PTPRT: variants seen among roughly 807,000 people sequenced by gnomAD.
The protein encoded by PTPRT is receptor-type tyrosine-protein phosphatase T.
PTPRT carries 56 observed loss-of-function variants against 176.8 expected under a neutral mutation model. The ratio of observed to expected loss-of-function variants is 0.32; its 90% CI spans 0.26 to 0.40. The LOEUF (loss-of-function observed/expected upper bound fraction) is 0.40. Among genes scored for constraint, PTPRT ranks in the 10% least tolerant of loss-of-function variants. The pLI, the probability that PTPRT is intolerant of heterozygous loss-of-function variation, is 1.00. For missense variants in PTPRT, 1,540 were observed against 1,908.2 expected (o/e 0.81, Z 3.60); for synonymous variants, 783 against 739.0 (o/e 1.06, Z -0.96).
chr20:42,562,630 C>T (rs907362794), intron 7 of PTPRT, among the ~76,000 whole-genome samples: 2 of 152,166 alleles, frequency 1.3e-5, no homozygotes, highest in African/African-American at 4.8e-5. Context: ...TGGTCCAGTA[C>T]CAGGGATTTA....
chr20:42,782,485 T>C (rs1035202687), intron 3 of PTPRT, among the ~76,000 whole-genome samples: 10 of 152,214 alleles, frequency 6.6e-5, no homozygotes, highest in Admixed American at 6.5e-4. Flanking sequence ...CAATAGTCTA[T>C]TCTTTCTGAA....
chr20:42,313,727 C>G (rs1409670910), intron 12 of PTPRT, among the ~76,000 whole-genome samples: 1 of 152,034 alleles, frequency 6.6e-6, no homozygotes, highest in East Asian at 1.9e-4. Context: ...AAGATGAGTC[C>G]CAGATGCTTC....
At chr20:42,099,219 C>CTTT (rs10690128) in intron 26 of PTPRT, among the ~76,000 whole-genome samples, 1 of 151,320 alleles carries the variant, frequency 6.6e-6, no homozygotes, top group African/African-American at 2.4e-5. Flanking sequence ...TTGTAGAGTG[C>CTTT]TTTTTTTTTG....
At chr20:42,360,199 T>C (rs1256802743) in intron 9 of PTPRT, among the ~76,000 whole-genome samples, 3 of 152,218 alleles carry the variant, frequency 2.0e-5, no homozygotes, top group Non-Finnish European at 1.5e-5. Flanking sequence ...GTCACCATCC[T>C]GCTCCTTAGC....
At chr20:42,539,462 C>G (rs2072538917) in intron 7 of PTPRT, among the ~76,000 whole-genome samples, 1 of 149,342 alleles carries the variant, frequency 6.7e-6, no homozygotes, top group Non-Finnish European at 1.5e-5. Flanking sequence ...AATAAATGAT[C>G]AATTTATCAA....
At chr20:42,253,868 C>T (rs559278868) in intron 13 of PTPRT, among the ~76,000 whole-genome samples, 3 of 152,306 alleles carry the variant, frequency 2.0e-5, no homozygotes, top group Middle Eastern at 3.4e-3. Flanking sequence ...AAAGCAGCTG[C>T]TGCTGCATCC....
chr20:42,378,051 A>C (rs2058667176), intron 9 of PTPRT, among the ~76,000 whole-genome samples: 1 of 152,250 alleles, frequency 6.6e-6, no homozygotes, highest in African/African-American at 2.4e-5. Context: ...AAGGCTTAAC[A>C]GATGTGGTAC....
chr20:42,558,516 G>A (rs1423824742), intron 7 of PTPRT, among the ~76,000 whole-genome samples: 1 of 151,972 alleles, frequency 6.6e-6, no homozygotes, highest in Non-Finnish European at 1.5e-5. Context: ...TGGTATTTCT[G>A]TTTTTAGGTC....
rs1306991196 is a variant in PTPRT at position 42,350,637 on chromosome 20, G to A, written c.1856C>T (p.Ala619Val). 6.2e-7 allele frequency: 1 copy of A among 1,608,412 alleles called. No homozygotes were observed. The highest frequency in any genetic ancestry group is 8.5e-7 in the Non-Finnish European group (1 of 1,174,968). Residue 619 changes from alanine to valine, a missense_variant, in exon 11 of 31, where the codon GCT (alanine) becomes GTT (valine). Ala to Val is a moderately conservative substitution (Grantham distance 64). This residue lies in a region of PTPRT where 81 missense variants were observed against 89.9 expected (regional missense o/e 0.90). Coordinates refer to ENST00000373187, the MANE Select transcript of PTPRT (RefSeq NM_007050.6). The part of the protein sequence containing the change: ...VMLKPAQSRG[A>V]PVSVYQLVVK... ...GAAGAACCATCCTCACCTGACAGGA[G>A]CTCCCCGGGACTGAGCGGGTTTCAG...
At chr20:42,879,802 G>A (rs2078989344) in intron 2 of PTPRT, among the ~76,000 whole-genome samples, 1 of 152,086 alleles carries the variant, frequency 6.6e-6, no homozygotes. Flanking sequence ...CTGTGTGTGT[G>A]TTCTCCCAAC....
chr20:42,488,384 A>T (rs571999432), intron 7 of PTPRT, among the ~76,000 whole-genome samples: 7 of 152,350 alleles, frequency 4.6e-5, no homozygotes, highest in African/African-American at 1.7e-4. Flanking sequence ...GTGAACCCAC[A>T]TTCATCCAAC....
chr20:42,210,168 A>G (rs1263784570), intron 15 of PTPRT, among the ~76,000 whole-genome samples: 1 of 152,266 alleles, frequency 6.6e-6, no homozygotes, highest in Non-Finnish European at 1.5e-5. Context: ...AGAGCTATCT[A>G]TGACAAACCC....
rs1006168050 is a variant in PTPRT, at chr20:42,080,429, C to A, written c.*450G>T. ...GTTGCAGGGGGCAGCAGAGCAGTGACCCCCAAGAGCCTCAATCTTTTCCAT... is the reference window on the plus strand; with the variant it reads ...GTTGCAGGGGGCAGCAGAGCAGTGAACCCCAAGAGCCTCAATCTTTTCCAT... On this transcript the variant is annotated 3_prime_UTR_variant, in exon 31 of 31. Coordinates refer to ENST00000373187, the MANE Select transcript of PTPRT (RefSeq NM_007050.6). 1 of 236,626 alleles carries A rather than the reference C, an allele frequency of 4.2e-6. No individual in the cohort carries two copies. Among genetic ancestry groups the A allele is most frequent in the African/African-American group, 2.2e-5 (1 of 45,250 alleles). 14.7% of individuals were successfully genotyped at this position (236,626 alleles called of 1,614,324 possible). A position where few individuals can be genotyped will look rare whatever the true frequency, so the allele number is the denominator to read the frequency against.
At chr20:43,085,272 A>G (rs898219992) in intron 1 of PTPRT, among the ~76,000 whole-genome samples, 1 of 152,084 alleles carries the variant, frequency 6.6e-6, no homozygotes, top group African/African-American at 2.4e-5. Context: ...TTCTTTTACA[A>G]CCATCCTTTG....
intron 1 of PTPRT, among the ~76,000 whole-genome samples, chr20:43,126,356 G>GA (rs917948511): frequency 4.9e-4 from 60 of 122,766 alleles, no homozygotes; most frequent in Middle Eastern, 8.2e-3. Flanking sequence ...GTTTCAAAGA[G>GA]AAAAAAAAAA....
intron 15 of PTPRT, among the ~76,000 whole-genome samples, chr20:42,206,891 T>C (rs1270142816): frequency 6.6e-6 from 1 of 152,220 alleles, no homozygotes; most frequent in Non-Finnish European, 1.5e-5. Context: ...TAAATGTCCC[T>C]GTCTGACAGC....
rs201228742 is a variant in PTPRT, at chr20:42,573,745, C to CTTTTTTTTTT, written c.1154-101184_1154-101183insAAAAAAAAAA. ...AAATGGCAAGACGGACCCTTTCTTTCTTTCTTTTTTTTTTTTTTTTTGAGA... is the reference window on the plus strand; with the variant it reads ...AAATGGCAAGACGGACCCTTTCTTTCTTTTTTTTTTTTTCTTTTTTTTTTTTTTTTTGAGA... On this transcript the variant is annotated intron_variant, in intron 7 of 30. Transcript: ENST00000373187. Among the ~76,000 whole-genome samples, 82 of 115,488 alleles carry CTTTTTTTTTT rather than the reference C, an allele frequency of 7.1e-4. 2 individuals are homozygous for CTTTTTTTTTT. Among genetic ancestry groups the CTTTTTTTTTT allele is most frequent in the South Asian group, 9.5e-4 (3 of 3,146 alleles). 75.8% of individuals were successfully genotyped at this position (115,488 alleles called of 152,430 possible).
At chr20:42,895,354 A>G (rs1270440776) in intron 1 of PTPRT, among the ~76,000 whole-genome samples, 1 of 152,174 alleles carries the variant, frequency 6.6e-6, no homozygotes, top group Admixed American at 6.5e-5. Context: ...GCCCAATGGA[A>G]CTAAGGTCTC....
the PTPRT span, among the ~76,000 whole-genome samples, chr20:42,044,752 T>C: frequency 1.3e-5 from 2 of 152,248 alleles, no homozygotes; most frequent in South Asian, 4.1e-4. Context: ...GCTGCTGTGA[T>C]AAGCCATCAC....
Sources: allele counts gnomAD v4.1 joint callset (sites outside exome capture counted in the v4.1 genomes callset), GRCh38; gene constraint gnomAD v4.1.1; regional missense constraint gnomAD v4.1.1; transcripts MANE v1.5; gene names NCBI Gene and HGNC (gene_info 2026-07-23, HGNC 2026-07-21).